Variants in EFHC1 observed in about 807,000 individuals in gnomAD.
The protein encoded by EFHC1 is EF-hand domain containing 1, also known as EF-hand domain-containing protein 1.
Under a neutral mutation model 69.9 loss-of-function variants are expected in EFHC1, and 53 were observed. The observed-to-expected ratio is 0.76, with a 90% confidence interval of 0.61 to 0.95. EFHC1 has a LOEUF of 0.95. EFHC1 is among the 40% of genes least tolerant of loss of function. The pLI is 0.00. For missense variants in EFHC1, 739 were observed against 798.7 expected (o/e 0.93, Z 0.90); for synonymous variants, 256 against 278.4 (o/e 0.92, Z 0.80).
At chr6:52,451,537 C>A (rs1405989567) in intron 3 of EFHC1, among the ~76,000 whole-genome samples, 1 of 152,132 alleles carries the variant, frequency 6.6e-6, no homozygotes, top group African/African-American at 2.4e-5. Context: ...TTGTACGTGA[C>A]CTGCCCTTTC....
At position 52,492,398 on chromosome 6, in the gene EFHC1, C is replaced by A; in HGVS notation, c.*57C>A. 2.0e-6 allele frequency: 3 copies of A among 1,495,044 alleles called. No homozygotes were observed. Among genetic ancestry groups the A allele is most frequent in the Non-Finnish European group, 2.8e-6 (3 of 1,075,384 alleles). 92.6% of individuals were successfully genotyped at this position (1,495,044 alleles called of 1,614,324 possible). ...GATACTGGAACTATGCTTTGAAATACACCTTACACTCTTCATAGAGGCATT... is the reference window on the plus strand; with the variant it reads ...GATACTGGAACTATGCTTTGAAATAAACCTTACACTCTTCATAGAGGCATT... On this transcript the variant is annotated 3_prime_UTR_variant, in exon 11 of 11. Coordinates refer to ENST00000371068, the MANE Select transcript of EFHC1 (RefSeq NM_018100.4).
chr6:52,465,176 G>A lies in EFHC1; in HGVS notation c.1137+61G>A. ...CTAATTTTTTGAGGTAGAAATTTAAGAAAAAAAGACTTCTATGCAAATATT... is the reference window on the plus strand; with the variant it reads ...CTAATTTTTTGAGGTAGAAATTTAAAAAAAAAAGACTTCTATGCAAATATT... On this transcript the variant is annotated intron_variant, in intron 6 of 10. Transcript: ENST00000371068. 4.3e-6 allele frequency: 6 copies of A among 1,410,280 alleles called. No individual in the cohort carries two copies. In the Admixed American group the frequency reaches 5.6e-5, roughly 13 times the overall value. 87.4% of individuals were successfully genotyped at this position (1,410,280 alleles called of 1,614,324 possible).
intron 7 of EFHC1, among the ~76,000 whole-genome samples, chr6:52,472,551 T>C (rs1349792253): frequency 6.6e-6 from 1 of 152,098 alleles, no homozygotes; most frequent in African/African-American, 2.4e-5. Flanking sequence ...AAATATTAAA[T>C]TCCTAGGTAT....
intron 6 of EFHC1, among the ~76,000 whole-genome samples, chr6:52,466,845 G>T (rs1562457858): frequency 6.6e-6 from 1 of 152,204 alleles, no homozygotes; most frequent in Non-Finnish European, 1.5e-5. Flanking sequence ...ATTTCTGGAA[G>T]GAAGTGTGGG....
At chr6:52,438,692 C>T in intron 3 of EFHC1, 101 bp downstream of exon 3, 1 of 1,277,818 alleles carries the variant, frequency 7.8e-7, no homozygotes, top group South Asian at 1.2e-5. Flanking sequence ...CATTGGTAAT[C>T]TGTCCTGCAT....
At chr6:52,453,950 T>TC (rs1764979530) in intron 4 of EFHC1, 145 bp from the exon 5 acceptor site, 1 of 1,522,356 alleles carries the variant, frequency 6.6e-7, no homozygotes, top group South Asian at 1.2e-5. Context: ...GATGAATATT[T>TC]CTTTTTTTTT....
rs1303203426 is a variant in EFHC1, at chr6:52,495,705, C to T, written c.*3364C>T. 1 of 417,500 alleles carries T rather than the reference C, an allele frequency of 2.4e-6. No individual in the cohort carries two copies. Among genetic ancestry groups the T allele is most frequent in the Non-Finnish European group, 4.8e-6 (1 of 209,106 alleles). The allele number at this position is 417,500 out of a possible 1,614,324, so 25.9% of individuals were successfully genotyped here. On this transcript the variant is annotated 3_prime_UTR_variant, in exon 11 of 11. Transcript: ENST00000371068. ...CTGGGCTCATGCAATCCTCCTGCCT[C>T]AGCCTTCTGAGTAGCTAGGCCTGTA...
chr6:52,450,786 GTT>G (rs1562451675), intron 3 of EFHC1, among the ~76,000 whole-genome samples: 3 of 151,732 alleles, frequency 2.0e-5, no homozygotes, highest in South Asian at 4.2e-4. Context: ...TGGTTTTTTT[GTT>G]TGTTTGTTTG....
At position 52,454,181 on chromosome 6, in the gene EFHC1, T is replaced by G. The variant is rs796052413; in HGVS notation, c.810T>G (p.Asp270Glu). ...ACATCATTCATTACTATCTTATGGA[T>G]GATACGGTGGAAATTCGAGAGGTCC... Reference protein sequence around the residue: ...RTYIIHYYLMDDTVEIREVHE... With the variant: ...RTYIIHYYLMEDTVEIREVHE... Residue 270 changes from aspartate to glutamate, a missense_variant, in exon 5 of 11, where the codon GAT becomes GAG. By Grantham distance (45) the Asp-to-Glu change is conservative. Transcript: ENST00000371068. The G allele has an allele frequency of 3.1e-5, 50 of 1,614,196 alleles. No homozygotes were observed. The highest frequency in any genetic ancestry group is 4.2e-5 in the Non-Finnish European group (50 of 1,180,042).
At chr6:52,459,745 G>A (rs1425429784) in intron 5 of EFHC1, among the ~76,000 whole-genome samples, 1 of 152,178 alleles carries the variant, frequency 6.6e-6, no homozygotes, top group African/African-American at 2.4e-5. Flanking sequence ...CATGGTCTTG[G>A]CTCACTGCAA....
Position 52,490,193 on chromosome 6 carries a change from C to G in EFHC1, c.1694C>G (p.Thr565Arg), listed in dbSNP as rs749931268. The change falls in exon 10 of 11, where the codon ACA becomes AGA. Residue 565 changes from threonine (T) to arginine (R), a missense_variant. Physicochemically the swap from Thr to Arg is moderately conservative, Grantham distance 71. Transcript: ENST00000371068. ...CAGGAATTGGAAGCATTAATAGACA[C>G]AATTCAGAAGCAACTGAAAGATCAC... ...GVQELEALID[T>R]IQKQLKDHSC... 2 of 1,614,066 alleles carry G rather than the reference C, an allele frequency of 1.2e-6. No individual in the cohort carries two copies. Among genetic ancestry groups the G allele is most frequent in the Non-Finnish European group, 1.7e-6 (2 of 1,179,984 alleles).
At chr6:52,454,961 G>T (rs980474916) in intron 5 of EFHC1, among the ~76,000 whole-genome samples, 24 of 152,088 alleles carry the variant, frequency 1.6e-4, no homozygotes, top group African/African-American at 5.5e-4. Flanking sequence ...GCTTGGTGCC[G>T]CACACCTGTA....
intron 2 of EFHC1, among the ~76,000 whole-genome samples, chr6:52,425,810 C>T (rs1764288602): frequency 6.6e-6 from 1 of 152,228 alleles, no homozygotes; most frequent in South Asian, 2.1e-4. Context: ...ACCTCTAATA[C>T]CCAGAGGTCC....
At chr6:52,478,406 C>T (rs527887964) in intron 7 of EFHC1, among the ~76,000 whole-genome samples, 1 of 152,010 alleles carries the variant, frequency 6.6e-6, no homozygotes, top group South Asian at 2.1e-4. Flanking sequence ...GCACATGTAC[C>T]CTAAAACTTA....
chr6:52,490,314 G>A lies in EFHC1; in HGVS notation c.1815G>A (p.Ser605=), dbSNP rs1045298708. ...DRDMFFKICE[S]LNVPVDDSLV... is the part of the protein sequence containing the mutation. ...ACATGTTCTTTAAAATCTGTGAATCGCTTAACGTCCCAGTGGATGACTCCT... is the reference window on the plus strand; with the variant it reads ...ACATGTTCTTTAAAATCTGTGAATCACTTAACGTCCCAGTGGATGACTCCT... Residue 605 remains serine, a synonymous_variant, in exon 10 of 11, where the codon TCG becomes TCA. Coordinates refer to ENST00000371068, the MANE Select transcript of EFHC1 (RefSeq NM_018100.4). 1.2e-5 allele frequency: 20 copies of A among 1,613,948 alleles called. No homozygotes were observed. Among genetic ancestry groups the A allele is most frequent in the African/African-American group, 9.3e-5 (7 of 74,896 alleles).
At chr6:52,422,473 T>A (rs1238031684) in intron 1 of EFHC1, among the ~76,000 whole-genome samples, 2 of 152,196 alleles carry the variant, frequency 1.3e-5, no homozygotes, top group African/African-American at 4.8e-5. Context: ...TTTTTATGGG[T>A]TATATACAGT....
At chr6:52,442,303 T>C (rs1764682205) in intron 3 of EFHC1, among the ~76,000 whole-genome samples, 1 of 152,048 alleles carries the variant, frequency 6.6e-6, no homozygotes. Context: ...TATTTATTTA[T>C]TTTATTATTA....
At chr6:52,445,934 A>G (rs1327596755) in intron 3 of EFHC1, among the ~76,000 whole-genome samples, 1 of 152,152 alleles carries the variant, frequency 6.6e-6, no homozygotes, top group African/African-American at 2.4e-5. Context: ...ACAGTTTTAT[A>G]TAATTTCTGT....
chr6:52,434,140 T>TC (rs1263065756), intron 2 of EFHC1, among the ~76,000 whole-genome samples: 1 of 152,190 alleles, frequency 6.6e-6, no homozygotes, highest in East Asian at 1.9e-4. Flanking sequence ...CTTTCCTTCT[T>TC]CCCCCACCTG....
Sources: allele counts gnomAD v4.1 joint callset (sites outside exome capture counted in the v4.1 genomes callset), GRCh38; gene constraint gnomAD v4.1.1; transcripts MANE v1.5; gene names NCBI Gene and HGNC (gene_info 2026-07-23, HGNC 2026-07-21).